The following NID2 variants were observed in gnomAD, a reference collection of about 807,000 sequenced individuals.
The protein encoded by NID2 is nidogen-2.
NID2 carries 83 observed loss-of-function variants against 145.4 expected under a neutral mutation model. The ratio of observed to expected loss-of-function variants is 0.57; its 90% CI spans 0.48 to 0.69. The LOEUF is 0.69. Ranked by LOEUF, NID2 falls within the 30% of genes least tolerant of loss-of-function variation. The pLI is 0.00. For missense variants in NID2, 1,807 were observed against 1,765.7 expected (o/e 1.02, Z -0.42); for synonymous variants, 739 against 701.3 (o/e 1.05, Z -0.85).
At chr14:52,058,303 A>G (rs1302314336) in intron 3 of NID2, among the ~76,000 whole-genome samples, 2 of 152,232 alleles carry the variant, frequency 1.3e-5, no homozygotes, top group Non-Finnish European at 2.9e-5. Flanking sequence ...TTTTGTATAT[A>G]CCTAAATTCT....
At chr14:52,065,575 A>G (rs1191021995) in intron 2 of NID2, among the ~76,000 whole-genome samples, 2 of 129,022 alleles carry the variant, frequency 1.6e-5, no homozygotes, top group Non-Finnish European at 3.2e-5. Context: ...ACATATGTAT[A>G]CATGTGCCAT....
At position 52,013,486 on chromosome 14, in the gene NID2, G is replaced by A. The variant is rs1891105144; in HGVS notation, c.3420+801C>T. On this transcript the variant is annotated intron_variant, in intron 16 of 21. Coordinates refer to ENST00000216286, the MANE Select transcript of NID2 (RefSeq NM_007361.4). ...ACCAAATAAGTGTCGTTCATTAACA[G>A]AAGTAAATGTAAACTTGAATGCCGT... Among the ~76,000 whole-genome samples, 5 of 152,230 alleles carry A rather than the reference G, an allele frequency of 3.3e-5. No homozygotes were observed. In the South Asian group the frequency reaches 1.0e-3, roughly 32 times the overall value.
chr14:52,030,572 G>A (rs1221976391), intron 9 of NID2, among the ~76,000 whole-genome samples: 11,505 of 73,142 alleles, frequency 0.16, 1,546 homozygotes, highest in South Asian at 0.2. Flanking sequence ...AAGAAAGGAA[G>A]GAAGGGAAAG....
At chr14:52,052,837 T>C (rs1874569) in intron 5 of NID2, among the ~76,000 whole-genome samples, 101,493 of 152,004 alleles carry the variant, frequency 0.67, 34,756 homozygotes, top group Non-Finnish European at 0.77. Context: ...TCTTTCCATG[T>C]CTGATGGGGA....
rs200644684 is a variant in NID2, at chr14:52,054,224, C to A, written c.865G>T (p.Ala289Ser). Residue 289 changes from alanine to serine, a missense_variant, in exon 4 of 22, where the codon GCT becomes TCT. Ala to Ser is a moderately conservative substitution (Grantham distance 99). Coordinates refer to ENST00000216286, the MANE Select transcript of NID2 (RefSeq NM_007361.4). The part of the protein sequence containing the change: ...VRPAAVGDLS[A>S]AHSSVPLGRS... ...CCCAGGGGAACAGAAGAGTGGGCAG[C>A]GGAAAGGTCTCCAACTGCAGCTGGC... 1.8e-5 allele frequency: 29 copies of A among 1,613,996 alleles called. No individual in the cohort carries two copies. The African/African-American group carries it at 3.3e-4, about 19-fold the overall frequency.
At chr14:52,037,998 G>C (rs1029081380) in intron 9 of NID2, among the ~76,000 whole-genome samples, 3 of 152,206 alleles carry the variant, frequency 2.0e-5, no homozygotes, top group Admixed American at 2.0e-4. Context: ...AGTTCTAATA[G>C]TGTTTTAGTG....
In NID2 at chr14:52,005,223, A is replaced by G. The variant is rs887386267; in HGVS notation, c.*263T>C. ...TAAATATTAATGATAAATGTTTACAAGAAGTTGCTTTAATAAGCAACAGTT... is the reference window on the plus strand; with the variant it reads ...TAAATATTAATGATAAATGTTTACAGGAAGTTGCTTTAATAAGCAACAGTT... On this transcript the variant is annotated 3_prime_UTR_variant, in exon 22 of 22. Transcript: ENST00000216286. The G allele has an allele frequency of 2.8e-6, 1 of 355,848 alleles. No individual in the cohort carries two copies. The highest frequency in any genetic ancestry group is 2.1e-5 in the African/African-American group (1 of 47,624). The allele number at this position is 355,848 out of a possible 1,614,324, so 22.0% of individuals were successfully genotyped here.
intron 9 of NID2, among the ~76,000 whole-genome samples, chr14:52,033,128 C>G (rs766828293): frequency 7.2e-5 from 11 of 152,188 alleles, no homozygotes; most frequent in Non-Finnish European, 1.6e-4. Context: ...AGCTTTTCTC[C>G]TATTATAGTA....
chr14:52,054,276 G>A lies in NID2; in HGVS notation c.813C>T (p.Gly271=). ...GIPGVWAFHI[G]STSPLDNVRP... ...TGACATTGTCCAACGGGGAAGTGCT[G>A]CCGATATGGAAAGCCCACACTCCAG... The change falls in exon 4 of 22, where the codon GGC becomes GGT. Residue 271 remains glycine (G), a synonymous_variant. Coordinates refer to ENST00000216286, the MANE Select transcript of NID2 (RefSeq NM_007361.4). The A allele has an allele frequency of 2.5e-6, 4 of 1,614,154 alleles. No homozygotes were observed. Among genetic ancestry groups the A allele is most frequent in the Non-Finnish European group, 3.4e-6 (4 of 1,179,998 alleles).
intron 3 of NID2, among the ~76,000 whole-genome samples, chr14:52,058,805 C>T (rs1892934892): frequency 6.6e-6 from 1 of 151,932 alleles, no homozygotes; most frequent in African/African-American, 2.4e-5. Flanking sequence ...ATTCCATGTG[C>T]TTGGCCATTG....
At chr14:52,030,493 G>GAA (rs1349640381) in intron 9 of NID2, among the ~76,000 whole-genome samples, 7 of 34,558 alleles carry the variant, frequency 2.0e-4, no homozygotes, top group Admixed American at 1.7e-3. Flanking sequence ...AAGAAAGAAA[G>GAA]AAAGAAAGAG....
chr14:52,042,263 G>A lies in NID2; in HGVS notation c.1667C>T (p.Ala556Val), dbSNP rs201741158. ...PVHFTDVDLH[A>V]YIVGNDGRAY... Reference sequence around the variant, plus strand: ...TCTGCCATCATTGCCCACGATATACGCATGCAGGTCCACATCAGTGAAGTG... The same window carrying A: ...TCTGCCATCATTGCCCACGATATACACATGCAGGTCCACATCAGTGAAGTG... Residue 556 changes from alanine (A) to valine (V), a missense_variant, in exon 7 of 22, where the codon GCG becomes GTG. Transcript: ENST00000216286. 1.9e-6 allele frequency: 3 copies of A among 1,614,180 alleles called. No individual in the cohort carries two copies. Among genetic ancestry groups the A allele is most frequent in the East Asian group, 2.2e-5 (1 of 44,876 alleles).
At position 52,054,458 on chromosome 14, in the gene NID2, T is replaced by C. The variant is rs1478569880; in HGVS notation, c.768-137A>G. On this transcript the variant is annotated intron_variant, in intron 3 of 21. Coordinates refer to ENST00000216286, the MANE Select transcript of NID2 (RefSeq NM_007361.4). The stretch of plus-strand genomic sequence containing the variant: ...GGCTCACACTTATAATCCCAGCACT[T>C]TGCAAGGCCAAAGTAGGAGGATGAC... 19 of 854,910 alleles carry C rather than the reference T, an allele frequency of 2.2e-5. No homozygotes were observed. The Admixed American group carries it at 5.4e-4, about 24-fold the overall frequency. The allele number at this position is 854,910 out of a possible 1,614,324, so 53.0% of individuals were successfully genotyped here.
chr14:52,038,427 T>TCA (rs1892151960), intron 9 of NID2, among the ~76,000 whole-genome samples: 3 of 152,224 alleles, frequency 2.0e-5, no homozygotes, highest in Admixed American at 2.0e-4. Context: ...CAAATACTTG[T>TCA]CAGCATCACT....
chr14:52,060,466 G>C (rs1396807876), intron 2 of NID2, 110 bp from the exon 3 acceptor site: 1 of 557,440 alleles, frequency 1.8e-6, no homozygotes, highest in South Asian at 5.3e-5. Flanking sequence ...AACGTGCAAA[G>C]AACTTCCCCT....
chr14:52,053,554 G>C, intron 5 of NID2, 25 bp downstream of exon 5: 1 of 1,593,460 alleles, frequency 6.3e-7, no homozygotes, highest in Non-Finnish European at 8.6e-7. Context: ...TGAAACCTTA[G>C]CACCCAGTTT....
In NID2 at chr14:52,040,816, A is replaced by C. The variant is rs745442495; in HGVS notation, c.1861T>G (p.Tyr621Asp). 7 of 1,614,100 alleles carry C rather than the reference A, an allele frequency of 4.3e-6. No homozygotes were observed. In the African/African-American group the frequency reaches 9.3e-5, roughly 22 times the overall value. ...ATACGAACCGTCTCCTCTCCCGGGT[A>C]GAATGTAACTTCCATGTCATGGGTA... ...AFTHDMEVTF[Y>D]PGEETVRITQ... Residue 621 changes from tyrosine to aspartate, a missense_variant, in exon 8 of 22, where the codon TAC (tyrosine) becomes GAC (aspartate). Tyr to Asp is a radical substitution (Grantham distance 160). Coordinates refer to ENST00000216286, the MANE Select transcript of NID2 (RefSeq NM_007361.4).
intron 5 of NID2, among the ~76,000 whole-genome samples, chr14:52,050,151 C>G (rs988558650): frequency 1.3e-5 from 2 of 152,200 alleles, no homozygotes; most frequent in African/African-American, 4.8e-5. Context: ...ACTGCCTCAG[C>G]AGGCTTAAGA....
At chr14:52,042,978 T>C in intron 5 of NID2, 47 bp from the exon 6 acceptor site, 1 of 1,586,604 alleles carries the variant, frequency 6.3e-7, no homozygotes, top group Non-Finnish European at 8.6e-7. Flanking sequence ...ATGATTCCAA[T>C]GTCACTGCTG....
Sources: allele counts gnomAD v4.1 joint callset (sites outside exome capture counted in the v4.1 genomes callset), GRCh38; gene constraint gnomAD v4.1.1; transcripts MANE v1.5; gene names NCBI Gene and HGNC (gene_info 2026-07-23, HGNC 2026-07-21).